RDH12: variants seen among roughly 807,000 people sequenced by gnomAD.
The protein encoded by RDH12 is all-trans and 9-cis retinol dehydrogenase.
RDH12 carries 21 observed loss-of-function variants against 34.0 expected under a neutral mutation model. The observed-to-expected ratio is 0.62, with a 90% confidence interval of 0.44 to 0.89. The LOEUF is 0.89. Among genes scored for constraint, RDH12 ranks in the 40% least tolerant of loss-of-function variants. The probability of loss-of-function intolerance (pLI) is 0.00; values close to 1 mark genes in which losing one functional copy is unlikely to be tolerated. For synonymous variants in RDH12, 198 were observed against 169.9 expected (o/e 1.17, Z -1.29); for missense variants, 394 against 398.6 (o/e 0.99, Z 0.10).
At chr14:67,703,429 T>C (rs1206409908) in intron 1 of RDH12, among the ~76,000 whole-genome samples, 1 of 152,188 alleles carries the variant, frequency 6.6e-6, no homozygotes, top group Non-Finnish European at 1.5e-5. Context: ...AAAAACAAAA[T>C]TTCTAAGTCT....
rs761167763 is a variant in RDH12 at position 67,727,037 on chromosome 14, C to G, written c.505C>G (p.Arg169Gly). ...GCGGCTAAAGGTGTCTGCCCCTGCA[C>G]GGGTGGTTAATGTGTCCTCGGTGGC... Reference protein sequence around the residue: ...LERLKVSAPARVVNVSSVAHH... With the variant: ...LERLKVSAPAGVVNVSSVAHH... The change falls in exon 7 of 9, where the codon CGG becomes GGG. Residue 169 changes from arginine to glycine, a missense_variant. Arg to Gly is a moderately radical substitution (Grantham distance 125, BLOSUM62 -2). Transcript: ENST00000551171. 4 of 1,613,834 alleles carry G rather than the reference C, an allele frequency of 2.5e-6. No individual in the cohort carries two copies. Among genetic ancestry groups the G allele is most frequent in the East Asian group, 4.5e-5 (2 of 44,878 alleles).
intron 1 of RDH12, among the ~76,000 whole-genome samples, chr14:67,719,571 C>T (rs1332118673): frequency 1.3e-5 from 2 of 152,038 alleles, no homozygotes; most frequent in Non-Finnish European, 2.9e-5. Flanking sequence ...ACCTCCTGGG[C>T]TCAAGTGATC....
chr14:67,713,180 G>A (rs1275535996), intron 1 of RDH12, among the ~76,000 whole-genome samples: 1 of 151,572 alleles, frequency 6.6e-6, no homozygotes, highest in Non-Finnish European at 1.5e-5. Flanking sequence ...CCTCAATTCA[G>A]CTACATACCT....
intron 1 of RDH12, among the ~76,000 whole-genome samples, chr14:67,711,925 A>T (rs527614390): frequency 6.6e-6 from 1 of 152,210 alleles, no homozygotes; most frequent in Non-Finnish European, 1.5e-5. Context: ...GGGACTACCT[A>T]TCTTTTTTTT....
intron 1 of RDH12, among the ~76,000 whole-genome samples, chr14:67,712,206 C>A (rs988746789): frequency 2.6e-5 from 4 of 152,082 alleles, no homozygotes; most frequent in Non-Finnish European, 5.9e-5. Context: ...AGGCGTGAAC[C>A]ACCACACCCG....
At chr14:67,713,705 C>G (rs2038036668) in intron 1 of RDH12, among the ~76,000 whole-genome samples, 1 of 152,176 alleles carries the variant, frequency 6.6e-6, no homozygotes, top group African/African-American at 2.4e-5. Context: ...GGCGCGTACC[C>G]AAGACACAGC....
At chr14:67,728,701 T>TGTG (rs1555390948) in intron 7 of RDH12, among the ~76,000 whole-genome samples, 1 of 58,738 alleles carries the variant, frequency 1.7e-5, no homozygotes, top group East Asian at 7.2e-4. Flanking sequence ...AGGGATATCT[T>TGTG]GTGGGGGGGG....
In RDH12 at chr14:67,715,268, TA is replaced by T. The variant is rs2038056708; in HGVS notation, c.-274-5579del. The T allele has an allele frequency of 2.0e-5, 3 of 152,110 alleles. No homozygotes were observed. The South Asian group carries it at 6.2e-4, about 32-fold the overall frequency. 9.4% of individuals were successfully genotyped at this position (152,110 alleles called of 1,614,324 possible). ...ATTGAATAGACTTCAGGCCCTACAATATCCAGATCTACTTCTGATGATGTTT... is the reference window on the plus strand; with the variant it reads ...ATTGAATAGACTTCAGGCCCTACAATTCCAGATCTACTTCTGATGATGTTT... On this transcript the variant is annotated intron_variant, in intron 1 of 8. Transcript: ENST00000551171.
intron 1 of RDH12, among the ~76,000 whole-genome samples, chr14:67,720,533 G>T (rs1352624322): frequency 6.6e-6 from 1 of 152,184 alleles, no homozygotes; most frequent in Non-Finnish European, 1.5e-5. Context: ...CTTTTTCCCA[G>T]CTGGATACCT....
At chr14:67,730,356 A>G (rs1285418410) in intron 8 of RDH12, among the ~76,000 whole-genome samples, 1 of 152,144 alleles carries the variant, frequency 6.6e-6, no homozygotes, top group Non-Finnish European at 1.5e-5. Context: ...CCAGATTGAG[A>G]TGCACTGTAA....
chr14:67,732,126 CAAAAAAA>C (rs71129854), intron 8 of RDH12, among the ~76,000 whole-genome samples: 3 of 77,528 alleles, frequency 3.9e-5, no homozygotes, highest in Admixed American at 2.7e-4. Flanking sequence ...GACTCTGTCT[CAAAAAAA>C]AAAAAAAAAA....
intron 7 of RDH12, 53 bp downstream of exon 7, chr14:67,727,243 G>T (rs1181417355): frequency 1.4e-6 from 2 of 1,431,564 alleles, no homozygotes; most frequent in Admixed American, 1.9e-5. Context: ...CAAATTAGAG[G>T]TCCACAGCAA....
intron 7 of RDH12, chr14:67,727,990 C>T (rs1002756654): frequency 6.6e-6 from 1 of 152,500 alleles, no homozygotes; most frequent in African/African-American, 2.4e-5. Flanking sequence ...TCTTGCTCTA[C>T]CACATGCTAG....
chr14:67,729,528 G>A lies in RDH12; in HGVS notation c.848+148G>A, dbSNP rs575566176. On this transcript the variant is annotated intron_variant, in intron 8 of 8. Transcript: ENST00000551171. ...CCTGCAAACAGAATGCCGTTGCTTT[G>A]TTAAGGAAACTTACAGTACAAACTT... is the stretch of plus-strand genomic sequence containing the variant. 4.9e-5 allele frequency: 38 copies of A among 769,112 alleles called. No individual in the cohort carries two copies. The East Asian group carries it at 9.8e-4, about 20-fold the overall frequency. 47.6% of individuals were successfully genotyped at this position (769,112 alleles called of 1,614,324 possible). A position where few individuals can be genotyped will look rare whatever the true frequency, so the allele number is the denominator to read the frequency against.
intron 1 of RDH12, among the ~76,000 whole-genome samples, chr14:67,705,118 G>A (rs1454802686): frequency 1.3e-5 from 2 of 152,188 alleles, no homozygotes; most frequent in African/African-American, 2.4e-5. Context: ...GGGAAGACAC[G>A]CCAATAAAGC....
intron 1 of RDH12, among the ~76,000 whole-genome samples, chr14:67,718,284 G>A (rs746384889): frequency 3.3e-5 from 5 of 152,170 alleles, no homozygotes; most frequent in Non-Finnish European, 5.9e-5. Flanking sequence ...TATGTGATTT[G>A]AAGAATAGGG....
At chr14:67,706,029 G>A (rs373413139) in intron 1 of RDH12, 3 of 152,184 alleles carry the variant, frequency 2.0e-5, no homozygotes, top group South Asian at 2.1e-4. Context: ...TAGCCTAGAC[G>A]TTCTGGGCTT....
chr14:67,715,497 C>T (rs569633903), intron 1 of RDH12, among the ~76,000 whole-genome samples: 1 of 152,336 alleles, frequency 6.6e-6, no homozygotes, highest in East Asian at 1.9e-4. Context: ...CAGCTTTGCC[C>T]CCTGCCATCC....
intron 1 of RDH12, among the ~76,000 whole-genome samples, chr14:67,711,702 C>A (rs947164236): frequency 1.3e-5 from 2 of 152,130 alleles, no homozygotes; most frequent in African/African-American, 4.8e-5. Flanking sequence ...ACCTGTTTCA[C>A]AACACTAGGC....
Sources: allele counts gnomAD v4.1 joint callset (sites outside exome capture counted in the v4.1 genomes callset), GRCh38; gene constraint gnomAD v4.1.1; transcripts MANE v1.5; gene names NCBI Gene and HGNC (gene_info 2026-07-23, HGNC 2026-07-21).